CLVS1: variants seen among roughly 807,000 people sequenced by gnomAD.
CLVS1 encodes the protein clavesin-1.
A neutral mutation model predicts 33.1 loss-of-function variants in CLVS1; 10 were observed. The ratio of observed to expected loss-of-function variants is 0.30; its 90% CI spans 0.19 to 0.51. The LOEUF (loss-of-function observed/expected upper bound fraction) is 0.51, where lower values mean the gene tolerates loss of function less well. Among genes scored for constraint, CLVS1 ranks in the 20% least tolerant of loss-of-function variants. CLVS1 has a pLI of 0.97. For missense variants in CLVS1, 343 were observed against 433.4 expected (o/e 0.79, Z 1.85); for synonymous variants, 163 against 166.1 (o/e 0.98, Z 0.14).
At chr8:60,979,896 C>A in the CLVS1 span, among the ~76,000 whole-genome samples, 1 of 152,228 alleles carries the variant, frequency 6.6e-6, no homozygotes, top group African/African-American at 2.4e-5. Flanking sequence ...GTGCACTTTA[C>A]TATAGGGATT....
chr8:60,998,860 C>A, the CLVS1 span, among the ~76,000 whole-genome samples: 2 of 152,182 alleles, frequency 1.3e-5, no homozygotes, highest in African/African-American at 4.8e-5. Context: ...CGGACTCTGT[C>A]TGCTGGGATT....
At chr8:61,015,723 C>T in the CLVS1 span, among the ~76,000 whole-genome samples, 3 of 152,134 alleles carry the variant, frequency 2.0e-5, no homozygotes, top group African/African-American at 7.2e-5. Context: ...ACCTTTTGTT[C>T]CCTCAAAATG....
chr8:61,285,959 G>GTTTT (rs34918981), upstream of CLVS1, among the ~76,000 whole-genome samples: 1 of 135,126 alleles, frequency 7.4e-6, no homozygotes, highest in Non-Finnish European at 1.7e-5. Flanking sequence ...TTTCCCTGTA[G>GTTTT]TTTTTTTTTT....
At chr8:61,387,413 C>G (rs1361086145) in intron 3 of CLVS1, among the ~76,000 whole-genome samples, 1 of 150,330 alleles carries the variant, frequency 6.7e-6, no homozygotes, top group Admixed American at 6.7e-5. Context: ...ACAAAAAAAC[C>G]CAAGAATTGT....
intron 2 of CLVS1, among the ~76,000 whole-genome samples, chr8:61,170,979 T>C (rs1806983437): frequency 6.6e-6 from 1 of 152,226 alleles, no homozygotes; most frequent in Non-Finnish European, 1.5e-5. Context: ...TTATTTTTGG[T>C]AAAAGATTTT....
intron 2 of CLVS1, among the ~76,000 whole-genome samples, chr8:61,335,579 G>C (rs1811771010): frequency 6.6e-6 from 1 of 152,200 alleles, no homozygotes; most frequent in Non-Finnish European, 1.5e-5. Context: ...TCTGATGAGA[G>C]ATTTTCCTCC....
At chr8:61,042,573 C>A in the CLVS1 span, among the ~76,000 whole-genome samples, 1 of 100,664 alleles carries the variant, frequency 9.9e-6, no homozygotes, top group Non-Finnish European at 1.8e-5. Flanking sequence ...TCTGTTATTG[C>A]CCACCTCCCA....
chr8:61,100,546 T>C (rs1805430248), intron 1 of CLVS1, among the ~76,000 whole-genome samples: 1 of 152,244 alleles, frequency 6.6e-6, no homozygotes, highest in South Asian at 2.1e-4. Context: ...CCTTCTTTTT[T>C]CAAAAACAGC....
chr8:61,029,878 G>C, the CLVS1 span, among the ~76,000 whole-genome samples: 1 of 152,144 alleles, frequency 6.6e-6, no homozygotes, highest in South Asian at 2.1e-4. Flanking sequence ...GCTCCATCAG[G>C]GTGATTTTAT....
At chr8:61,411,224 T>G (rs1040589830) in intron 3 of CLVS1, among the ~76,000 whole-genome samples, 4 of 151,902 alleles carry the variant, frequency 2.6e-5, no homozygotes, top group Admixed American at 6.6e-5. Flanking sequence ...AAAGAAAAAA[T>G]AAAAAAGTCG....
intron 3 of CLVS1, among the ~76,000 whole-genome samples, chr8:61,428,056 G>A (rs893004090): frequency 3.9e-5 from 6 of 152,202 alleles, no homozygotes; most frequent in African/African-American, 1.4e-4. Flanking sequence ...TGATAGTGCT[G>A]TCTTTATTTT....
chr8:61,289,828 G>T (rs532852269), intron 1 of CLVS1, among the ~76,000 whole-genome samples: 1 of 152,144 alleles, frequency 6.6e-6, no homozygotes, highest in Non-Finnish European at 1.5e-5. Context: ...AGAAATAGTC[G>T]CATTGTGTCA....
At chr8:61,401,835 G>A (rs1016634292) in intron 3 of CLVS1, among the ~76,000 whole-genome samples, 1 of 152,082 alleles carries the variant, frequency 6.6e-6, no homozygotes, top group Admixed American at 6.6e-5. Context: ...GTACTTCAAG[G>A]CACAGCTCAA....
chr8:61,043,705 C>T, the CLVS1 span, among the ~76,000 whole-genome samples: 1 of 152,174 alleles, frequency 6.6e-6, no homozygotes, highest in African/African-American at 2.4e-5. Flanking sequence ...ACAAGATAGC[C>T]TGAAAGGACC....
At chr8:61,358,616 C>T (rs1316872320) in intron 2 of CLVS1, among the ~76,000 whole-genome samples, 9 of 152,130 alleles carry the variant, frequency 5.9e-5, no homozygotes, top group African/African-American at 2.2e-4. Flanking sequence ...AACAAACAAA[C>T]AAACAAACAA....
intron 2 of CLVS1, among the ~76,000 whole-genome samples, chr8:61,318,646 T>G (rs991575755): frequency 1.3e-5 from 2 of 152,202 alleles, no homozygotes; most frequent in African/African-American, 2.4e-5. Flanking sequence ...AATTTTTCTT[T>G]CATATTTTCT....
chr8:61,353,183 A>C (rs1812545886), intron 2 of CLVS1, among the ~76,000 whole-genome samples: 1 of 152,040 alleles, frequency 6.6e-6, no homozygotes, highest in Non-Finnish European at 1.5e-5. Context: ...TGAACAACGC[A>C]ATCAACCAAC....
chr8:61,393,257 G>A (rs1020714129), intron 3 of CLVS1, among the ~76,000 whole-genome samples: 1 of 151,976 alleles, frequency 6.6e-6, no homozygotes, highest in Admixed American at 6.6e-5. Context: ...AGTTGTGATT[G>A]TCTTTTCTTT....
chr8:61,485,575 C>T (rs1000055407), intron 5 of CLVS1, among the ~76,000 whole-genome samples: 2 of 152,198 alleles, frequency 1.3e-5, no homozygotes, highest in East Asian at 1.9e-4. Flanking sequence ...TACCATTTGA[C>T]CCAGCCATCC....
Sources: gnomAD v4.1 joint callset for allele counts (sites outside exome capture counted in the v4.1 genomes callset) on GRCh38, gnomAD v4.1.1 for gene constraint, MANE v1.5 for transcripts, NCBI Gene and HGNC (gene_info 2026-07-23, HGNC 2026-07-21) for gene names.